CENPP: variants seen among roughly 807,000 people sequenced by gnomAD.
CENPP encodes the protein centromere protein P.
Under a neutral mutation model 35.6 loss-of-function variants are expected in CENPP, and 24 were observed. The ratio of observed to expected loss-of-function variants is 0.67; its 90% CI spans 0.49 to 0.95. CENPP has a LOEUF of 0.95. CENPP is among the 40% of genes least tolerant of loss of function. The pLI, the probability that CENPP is intolerant of heterozygous loss-of-function variation, is 0.00. For synonymous variants in CENPP, 120 were observed against 125.5 expected (o/e 0.96, Z 0.29); for missense variants, 332 against 345.3 (o/e 0.96, Z 0.31).
intron 5 of CENPP, among the ~76,000 whole-genome samples, chr9:92,574,401 A>C (rs1850228666): frequency 6.6e-6 from 1 of 152,246 alleles, no homozygotes; most frequent in Non-Finnish European, 1.5e-5. Flanking sequence ...TTAGAAAAAC[A>C]ATAACAAAAA....
At chr9:92,516,956 C>CG in intron 5 of CENPP, 1 of 152,354 alleles carries the variant, frequency 6.6e-6, no homozygotes, top group Non-Finnish European at 1.5e-5. Flanking sequence ...CCTTCCCAGC[C>CG]AATTATTTAA....
intron 5 of CENPP, among the ~76,000 whole-genome samples, chr9:92,557,180 G>A (rs540368767): frequency 6.5e-4 from 99 of 152,312 alleles, no homozygotes; most frequent in Admixed American, 1.3e-3. Context: ...GGTTTCTGCT[G>A]AGAAATCTGC....
chr9:92,400,566 T>A (rs1369543254), intron 5 of CENPP, among the ~76,000 whole-genome samples: 2 of 152,240 alleles, frequency 1.3e-5, no homozygotes, highest in Non-Finnish European at 2.9e-5. Context: ...AATTAATATG[T>A]GGTTTTTGTC....
In CENPP at chr9:92,512,972, C is replaced by G. The variant is rs111788386; in HGVS notation, c.565-98342C>G. Reference sequence around the variant, plus strand: ...TGATCATATGAAAGTAGGATGAAATCCTTTGTCAGAGAGGCCATGGAAGCT... The same window carrying G: ...TGATCATATGAAAGTAGGATGAAATGCTTTGTCAGAGAGGCCATGGAAGCT... On this transcript the variant is annotated intron_variant, in intron 5 of 7. Coordinates refer to ENST00000375587, the MANE Select transcript of CENPP (RefSeq NM_001012267.3). 3.0e-4 allele frequency among the ~76,000 whole-genome samples: 46 copies of G among 152,228 alleles called. 1 individual carries two copies. Among genetic ancestry groups the G allele is most frequent in the African/African-American group, 1.1e-3 (45 of 41,536 alleles).
intron 5 of CENPP, chr9:92,459,708 CGTGGTAT>C: frequency 6.2e-7 from 1 of 1,613,052 alleles, no homozygotes; most frequent in Non-Finnish European, 8.5e-7. Flanking sequence ...TTCTCTCACA[CGTGGTAT>C]GTTAGCAAGA....
intron 4 of CENPP, among the ~76,000 whole-genome samples, chr9:92,355,830 A>G (rs531410269): frequency 6.6e-6 from 1 of 152,360 alleles, no homozygotes; most frequent in East Asian, 1.9e-4. Flanking sequence ...CTGAGCAAAC[A>G]TAAGTTAAAT....
At position 92,514,842 on chromosome 9, in the gene CENPP, C is replaced by T. The variant is rs539041793; in HGVS notation, c.565-96472C>T. 9 of 1,612,400 alleles carry T rather than the reference C, an allele frequency of 5.6e-6. No homozygotes were observed. In the South Asian group the frequency reaches 8.8e-5, roughly 16 times the overall value. On this transcript the variant is annotated intron_variant, in intron 5 of 7. Transcript: ENST00000375587. ...CCTCGTCCTCCTCATCCTCCTCACC[C>T]TCCTCACCCTCCTCCTCCTCATCCT... is the stretch of plus-strand genomic sequence containing the variant.
intron 5 of CENPP, among the ~76,000 whole-genome samples, chr9:92,573,565 G>A (rs1850203264): frequency 6.6e-6 from 1 of 152,218 alleles, no homozygotes; most frequent in African/African-American, 2.4e-5. Context: ...ACTTGAGAAG[G>A]CGGTCTGTCC....
rs552599035 is a variant in CENPP at position 92,613,066 on chromosome 9, T to C, written c.784T>C (p.Phe262Leu). 2.4e-5 allele frequency: 39 copies of C among 1,614,178 alleles called. No homozygotes were observed. The South Asian group carries it at 4.0e-4, about 16-fold the overall frequency. ...NRAIETAPLS[F>L]RTLVGLLGIE... ...AGCCATAGAAACTGCTCCTCTCAGC[T>C]TCCGAACCCTGGTAGGACTGCTTGG... The change falls in exon 8 of 8, where the codon TTC (phenylalanine) becomes CTC (leucine). Residue 262 changes from phenylalanine (F) to leucine (L), a missense_variant. Coordinates refer to ENST00000375587, the MANE Select transcript of CENPP (RefSeq NM_001012267.3).
chr9:92,448,522 C>T (rs943357801), intron 5 of CENPP, among the ~76,000 whole-genome samples: 1 of 151,690 alleles, frequency 6.6e-6, no homozygotes, highest in Admixed American at 6.6e-5. Flanking sequence ...TTTTCAAAGG[C>T]AGTTTTGGAG....
chr9:92,599,156 G>A (rs1009339925), intron 5 of CENPP, among the ~76,000 whole-genome samples: 10 of 151,960 alleles, frequency 6.6e-5, no homozygotes, highest in Non-Finnish European at 1.2e-4. Context: ...AGAATAAAGG[G>A]ATTTCTGTTG....
intron 4 of CENPP, among the ~76,000 whole-genome samples, chr9:92,360,709 A>T (rs890934801): frequency 1.3e-5 from 2 of 151,646 alleles, no homozygotes; most frequent in African/African-American, 2.4e-5. Context: ...TTATTTATTT[A>T]TTATTATTAT....
intron 5 of CENPP, chr9:92,500,803 C>G (rs763606251): frequency 1.2e-6 from 2 of 1,614,128 alleles, no homozygotes; most frequent in Non-Finnish European, 1.7e-6. Flanking sequence ...GATTTTAAGT[C>G]ATTGTGATCC....
chr9:92,415,428 G>C, intron 5 of CENPP: 1 of 1,613,332 alleles, frequency 6.2e-7, no homozygotes, highest in Non-Finnish European at 8.5e-7. Context: ...ATGTTAAATG[G>C]TGGTAATGTA....
At chr9:92,450,343 G>T (rs962332913) in intron 5 of CENPP, among the ~76,000 whole-genome samples, 1 of 150,768 alleles carries the variant, frequency 6.6e-6, no homozygotes, top group Admixed American at 6.6e-5. Flanking sequence ...AGAAGATGCG[G>T]TGTTTGGTTT....
intron 4 of CENPP, among the ~76,000 whole-genome samples, chr9:92,359,203 C>T (rs1452465016): frequency 6.6e-6 from 1 of 152,118 alleles, no homozygotes; most frequent in South Asian, 2.1e-4. Flanking sequence ...CCTGCCTTGG[C>T]CTTTCAAAGT....
At chr9:92,373,958 C>G (rs569649735) in intron 4 of CENPP, among the ~76,000 whole-genome samples, 1 of 151,716 alleles carries the variant, frequency 6.6e-6, no homozygotes, top group East Asian at 1.9e-4. Context: ...TACCTGTTCC[C>G]TTATGTTGAT....
chr9:92,417,114 C>T (rs1267239478), intron 5 of CENPP: 2 of 1,613,524 alleles, frequency 1.2e-6, no homozygotes, highest in Admixed American at 1.7e-5. Context: ...TTATTATGCT[C>T]TAGATGAAGT....
intron 5 of CENPP, among the ~76,000 whole-genome samples, chr9:92,608,890 G>A (rs1851156149): frequency 6.6e-6 from 1 of 152,236 alleles, no homozygotes; most frequent in African/African-American, 2.4e-5. Context: ...GGCCCAGGGA[G>A]GCAGAGAGCT....
Sources: allele counts gnomAD v4.1 joint callset (sites outside exome capture counted in the v4.1 genomes callset), GRCh38; gene constraint gnomAD v4.1.1; transcripts MANE v1.5; gene names NCBI Gene and HGNC (gene_info 2026-07-23, HGNC 2026-07-21).